Variants in AEBP1 observed in about 807,000 individuals in gnomAD.
The protein encoded by AEBP1 is adipocyte enhancer-binding protein 1.
In AEBP1, 69 loss-of-function variants were observed where a neutral mutation model predicts 116.5. That is an observed-to-expected ratio of 0.59 (90% CI 0.49 to 0.72). AEBP1 has a LOEUF of 0.72. AEBP1 is among the 30% of genes least tolerant of loss of function. The pLI is 0.00. For missense variants in AEBP1, 1,444 were observed against 1,557.5 expected, an observed-to-expected ratio of 0.93 and a Z score of 1.23; for synonymous variants, 627 against 627.3, an observed-to-expected ratio of 1.00 and a Z score of 0.01.
chr7:44,111,256 C>T lies in AEBP1; in HGVS notation c.1716+17C>T, dbSNP rs1264093447. 2 of 1,507,674 alleles carry T rather than the reference C, an allele frequency of 1.3e-6. No individual in the cohort carries two copies. The highest frequency in any genetic ancestry group is 1.4e-5 in the South Asian group (1 of 73,490). 93.4% of individuals were successfully genotyped at this position (1,507,674 alleles called of 1,614,324 possible). On this transcript the variant is annotated intron_variant, in intron 14 of 20. Coordinates refer to ENST00000223357, the MANE Select transcript of AEBP1 (RefSeq NM_001129.5). This position sits in a 1 kb window ranked among gnomAD's most constrained non-coding sequence, Gnocchi z 4.7. ...ATGCGCCAGGTTGGGAGCATATATCCTGGGGCTGGGGGTGGGACCTGTCTG... is the reference window on the plus strand; with the variant it reads ...ATGCGCCAGGTTGGGAGCATATATCTTGGGGCTGGGGGTGGGACCTGTCTG...
chr7:44,106,419 C>A, intron 1 of AEBP1, 127 bp from the exon 2 acceptor site: 1 of 1,067,078 alleles, frequency 9.4e-7, no homozygotes, highest in Non-Finnish European at 1.4e-6. Flanking sequence ...CTTAACCTCT[C>A]AGTTTGCTGA....
Position 44,113,484 on chromosome 7 carries a change from C to CT in AEBP1, c.2810-109dup, listed in dbSNP as rs2096232399. The CT allele has an allele frequency of 3.2e-6, 4 of 1,234,560 alleles. No individual in the cohort carries two copies. The highest frequency in any genetic ancestry group is 3.4e-5 in the Admixed American group (1 of 29,544). 76.5% of individuals were successfully genotyped at this position (1,234,560 alleles called of 1,614,324 possible). ...CGAAATTCAGAGAGGGAGGGCGGTG[C>CT]TGGGGGCGGGAACTCAGAGGGGGAG... On this transcript the variant is annotated intron_variant, in intron 20 of 20. Coordinates refer to ENST00000223357, the MANE Select transcript of AEBP1 (RefSeq NM_001129.5). This position sits in a 1 kb window ranked among gnomAD's most constrained non-coding sequence, Gnocchi z 5.3.
In AEBP1 at chr7:44,108,595, G is replaced by A. The variant is rs1188459090; in HGVS notation, c.941-304G>A. Among the ~76,000 whole-genome samples, 1 of 151,944 alleles carries A rather than the reference G, an allele frequency of 6.6e-6. No individual in the cohort carries two copies. Among genetic ancestry groups the A allele is most frequent in the African/African-American group, 2.4e-5 (1 of 41,350 alleles). ...GTCTCCCCATCTCACCCCCCAGCCCGCAACCCCAGGCACAGGTGCCAGTTG... is the reference window on the plus strand; with the variant it reads ...GTCTCCCCATCTCACCCCCCAGCCCACAACCCCAGGCACAGGTGCCAGTTG... On this transcript the variant is annotated intron_variant, in intron 6 of 20. Coordinates refer to ENST00000223357, the MANE Select transcript of AEBP1 (RefSeq NM_001129.5). This position sits in a 1 kb window ranked among gnomAD's most constrained non-coding sequence, Gnocchi z 5.0.
In AEBP1 at chr7:44,110,910, C is replaced by T. The variant is rs2096228618; in HGVS notation, c.1486-3C>T. 1 of 1,613,800 alleles carries T rather than the reference C, an allele frequency of 6.2e-7. No individual in the cohort carries two copies. Among genetic ancestry groups the T allele is most frequent in the African/African-American group, 1.3e-5 (1 of 74,928 alleles). On this transcript the variant is annotated splice_region_variant and splice_polypyrimidine_tract_variant and intron_variant, in intron 12 of 20. Coordinates refer to ENST00000223357, the MANE Select transcript of AEBP1 (RefSeq NM_001129.5). ...TACTGCTCTGAGGCCTGCCTCTCCC[C>T]AGACCTTTCATGGGAACGTGGACAA...
chr7:44,111,455 C>A lies in AEBP1; in HGVS notation c.1717-52C>A. ...GCCCTGGAAGTGGAAGGGGCATGGT[C>A]AGCGGGGGACGGATTGCATGATTGA... On this transcript the variant is annotated intron_variant, in intron 14 of 20. Transcript: ENST00000223357. This position sits in a 1 kb window ranked among gnomAD's most constrained non-coding sequence, Gnocchi z 4.7. The A allele has an allele frequency of 1.3e-6, 2 of 1,532,624 alleles. No individual in the cohort carries two copies. Among genetic ancestry groups the A allele is most frequent in the South Asian group, 2.6e-5 (2 of 78,352 alleles). 94.9% of individuals were successfully genotyped at this position (1,532,624 alleles called of 1,614,324 possible).
chr7:44,110,210 G>A lies in AEBP1; in HGVS notation c.1264G>A (p.Gly422Ser), dbSNP rs765737584. Residue 422 changes from glycine to serine, a missense_variant, in exon 11 of 21, where the codon GGT (glycine) becomes AGT (serine). Coordinates refer to ENST00000223357, the MANE Select transcript of AEBP1 (RefSeq NM_001129.5). ...AQRGRLNMQT[G>S]ATEDDYYDGA... ...GCCTCCCCTGCCCCCTGGACAGACC[G>A]GTGCCACTGAGGACGACTACTATGA... The A allele has an allele frequency of 6.8e-6, 11 of 1,613,630 alleles. No individual in the cohort carries two copies. The highest frequency in any genetic ancestry group is 1.3e-5 in the African/African-American group (1 of 75,048).
chr7:44,108,119 A>G lies in AEBP1; in HGVS notation c.940+35A>G. The G allele has an allele frequency of 6.4e-7, 1 of 1,568,148 alleles. No individual in the cohort carries two copies. The highest frequency in any genetic ancestry group is 8.6e-7 in the Non-Finnish European group (1 of 1,156,722). ...CAGCACCCCAGAGTCTGAGGGACAT[A>G]GGCAGGTGGGGGTCGGGGCTGGGGT... On this transcript the variant is annotated intron_variant, in intron 6 of 20. Transcript: ENST00000223357. The surrounding 1 kb of genome is among the most constrained non-coding windows in gnomAD (Gnocchi z 5.0).
chr7:44,107,572 T>A lies in AEBP1; in HGVS notation c.668-57T>A. 6.2e-7 allele frequency: 1 copy of A among 1,613,074 alleles called. No individual in the cohort carries two copies. The highest frequency in any genetic ancestry group is 8.5e-7 in the Non-Finnish European group (1 of 1,179,644). ...TGCCCTGGCTGGTTGGACTGAGGGC[T>A]TCCCCAGAGTAGGCCTGGGTGGGGT... is the stretch of plus-strand genomic sequence containing the variant. On this transcript the variant is annotated intron_variant, in intron 3 of 20. Transcript: ENST00000223357. This position sits in a 1 kb window ranked among gnomAD's most constrained non-coding sequence, Gnocchi z 4.3.
chr7:44,112,692 G>A lies in AEBP1; in HGVS notation c.2352G>A (p.Leu784=). ...DMARTPTQEQ[L]LAAAMAAARG... is the part of the protein sequence containing the mutation. ...CCCGCACGCCTACCCAGGAGCAGCT[G>A]CTGGCCGCAGCCATGGCAGCAGCCC... The change falls in exon 18 of 21, where the codon CTG becomes CTA. Residue 784 remains leucine (L), a synonymous_variant. Coordinates refer to ENST00000223357, the MANE Select transcript of AEBP1 (RefSeq NM_001129.5). This position sits in a 1 kb window ranked among gnomAD's most constrained non-coding sequence, Gnocchi z 6.6. The A allele has an allele frequency of 1.2e-6, 2 of 1,613,268 alleles. No individual in the cohort carries two copies. The highest frequency in any genetic ancestry group is 1.7e-6 in the Non-Finnish European group (2 of 1,179,984).
rs751028935 is a variant in AEBP1 at position 44,111,637 on chromosome 7, G to T, written c.1840+7G>T. ...CCTGGGGAGCATGAACTGGGTGAGG[G>T]TCTGTGGGGGCCAGCAGCTGGCCTC... is the stretch of plus-strand genomic sequence containing the variant. On this transcript the variant is annotated splice_region_variant and intron_variant, in intron 15 of 20. Transcript: ENST00000223357. This position sits in a 1 kb window ranked among gnomAD's most constrained non-coding sequence, Gnocchi z 4.7. The T allele has an allele frequency of 1.2e-6, 2 of 1,611,116 alleles. No homozygotes were observed.
In AEBP1 at chr7:44,107,346, G is replaced by C; in HGVS notation, c.596-93G>C. ...CCTCAGGAGGGTGTCCACAGGCTCT[G>C]TGTGGGCTCTATGGGTGGCTGGTGG... On this transcript the variant is annotated intron_variant, in intron 2 of 20. Transcript: ENST00000223357. This position sits in a 1 kb window ranked among gnomAD's most constrained non-coding sequence, Gnocchi z 4.3. 1 of 1,289,596 alleles carries C rather than the reference G, an allele frequency of 7.8e-7. No homozygotes were observed. The highest frequency in any genetic ancestry group is 1.1e-6 in the Non-Finnish European group (1 of 893,062). The allele number at this position is 1,289,596 out of a possible 1,614,324, so 79.9% of individuals were successfully genotyped here. A position where few individuals can be genotyped will look rare whatever the true frequency, so the allele number is the denominator to read the frequency against.
intron 11 of AEBP1, 32 bp from the exon 12 acceptor site, chr7:44,110,693 G>A (rs750140379): frequency 1.3e-6 from 2 of 1,502,950 alleles, no homozygotes; most frequent in Non-Finnish European, 1.8e-6. Flanking sequence ...GGAGGGGGAA[G>A]ACCCTTGCTC....
chr7:44,114,312 C>CA lies in AEBP1; in HGVS notation c.*51_*52insA, dbSNP rs2096234390. On this transcript the variant is annotated 3_prime_UTR_variant, in exon 21 of 21. Coordinates refer to ENST00000223357, the MANE Select transcript of AEBP1 (RefSeq NM_001129.5). ...CCCAACTCAAGCTACAGCAGCAGCA[C>CA]TTCCCAAGCCTGCTGACCACAGTCA... The CA allele has an allele frequency of 6.3e-7, 1 of 1,585,098 alleles. No homozygotes were observed. The highest frequency in any genetic ancestry group is 8.6e-7 in the Non-Finnish European group (1 of 1,157,450).
In AEBP1 at chr7:44,113,878, C is replaced by G. The variant is rs1219444515; in HGVS notation, c.3094C>G (p.Gln1032Glu). ...RLQHRLRLRA[Q>E]MRLRRLNATT... ...ACAACACCGCCTGCGGCTTCGGGCA[C>G]AGATGCGGCTGCGGCGCCTCAACGC... The change falls in exon 21 of 21, where the codon CAG (glutamine) becomes GAG (glutamate). Residue 1032 changes from glutamine to glutamate, a missense_variant. Gln to Glu is a conservative substitution (Grantham distance 29). Transcript: ENST00000223357. This position sits in a 1 kb window ranked among gnomAD's most constrained non-coding sequence, Gnocchi z 5.3. The G allele has an allele frequency of 6.2e-7, 1 of 1,613,476 alleles. No individual in the cohort carries two copies. Among genetic ancestry groups the G allele is most frequent in the African/African-American group, 1.3e-5 (1 of 74,930 alleles).
rs532446849 is a variant in AEBP1 at position 44,113,939 on chromosome 7, C to T, written c.3155C>T (p.Thr1052Met). 8 of 1,613,478 alleles carry T rather than the reference C, an allele frequency of 5.0e-6. No individual in the cohort carries two copies. Among genetic ancestry groups the T allele is most frequent in the Non-Finnish European group, 6.8e-6 (8 of 1,179,816 alleles). ...CTAGGCCCCCACACTGTGCCTCCCA[C>T]GCTGCCCCCTGCCCCTGCCACCACC... ...TTLGPHTVPPTLPPAPATTLS... is the reference protein window; with the variant it reads ...TTLGPHTVPPMLPPAPATTLS... Residue 1052 changes from threonine to methionine, a missense_variant, in exon 21 of 21, where the codon ACG becomes ATG. Thr to Met is a moderately conservative substitution (Grantham distance 81, BLOSUM62 -1). Coordinates refer to ENST00000223357, the MANE Select transcript of AEBP1 (RefSeq NM_001129.5). This position sits in a 1 kb window ranked among gnomAD's most constrained non-coding sequence, Gnocchi z 5.3.
At position 44,107,817 on chromosome 7, in the gene AEBP1, A is replaced by G. The variant is rs764369368; in HGVS notation, c.748A>G (p.Ile250Val). The part of the protein sequence containing the change: ...EREDYEDFEY[I>V]RRQKQPRPPP... Reference sequence around the variant, plus strand: ...GCCAGCCTCCCCCTCAGTTGAGTACATTCGGCGCCAGAAGCAACCCAGGCC... The same window carrying G: ...GCCAGCCTCCCCCTCAGTTGAGTACGTTCGGCGCCAGAAGCAACCCAGGCC... The change falls in exon 5 of 21, where the codon ATT (isoleucine) becomes GTT (valine). Residue 250 changes from isoleucine (I) to valine (V), a missense_variant. Coordinates refer to ENST00000223357, the MANE Select transcript of AEBP1 (RefSeq NM_001129.5). The surrounding 1 kb of genome is among the most constrained non-coding windows in gnomAD (Gnocchi z 4.3). The G allele has an allele frequency of 1.9e-5, 31 of 1,611,784 alleles. No homozygotes were observed. The highest frequency in any genetic ancestry group is 4.5e-5 in the East Asian group (2 of 44,758).
Position 44,104,779 on chromosome 7 carries a change from C to G in AEBP1, c.114C>G (p.Leu38=). 1.2e-6 allele frequency: 2 copies of G among 1,611,380 alleles called. No individual in the cohort carries two copies. Among genetic ancestry groups the G allele is most frequent in the South Asian group, 1.1e-5 (1 of 90,896 alleles). Residue 38 remains leucine, a synonymous_variant, in exon 1 of 21, where the codon CTC becomes CTG. Coordinates refer to ENST00000223357, the MANE Select transcript of AEBP1 (RefSeq NM_001129.5). ...CCGACGACGAGATCGAGGAGTTCCTCGAGGGCTTCCTGTCAGAGCTAGAAC... is the reference window on the plus strand; with the variant it reads ...CCGACGACGAGATCGAGGAGTTCCTGGAGGGCTTCCTGTCAGAGCTAGAAC... The part of the protein sequence containing the change: ...VLTDDEIEEF[L]EGFLSELEPE...
At chr7:44,109,384 TG>T in intron 9 of AEBP1, 43 bp downstream of exon 9, 1 of 656,364 alleles carries the variant, frequency 1.5e-6, no homozygotes. Context: ...GGCCACAGGA[TG>T]GGGGTGCTGG....
At chr7:44,110,456 A>C in intron 11 of AEBP1, 110 bp downstream of exon 11, 3 of 1,507,454 alleles carry the variant, frequency 2.0e-6, no homozygotes, top group South Asian at 2.5e-5. Flanking sequence ...CAGCCAAAGA[A>C]GGCCAAAAAG....
Sources: allele counts gnomAD v4.1 joint callset (sites outside exome capture counted in the v4.1 genomes callset), GRCh38; gene constraint gnomAD v4.1.1; non-coding constraint Gnocchi (gnomAD v3.1); transcripts MANE v1.5; gene names NCBI Gene and HGNC (gene_info 2026-07-23, HGNC 2026-07-21).